LTBP1: variants seen among roughly 807,000 people sequenced by gnomAD.
LTBP1 encodes the protein latent-transforming growth factor beta-binding protein 1.
Under a neutral mutation model 207.6 loss-of-function variants are expected in LTBP1, and 129 were observed. That is an observed-to-expected ratio of 0.62 (90% CI 0.54 to 0.72). The LOEUF is 0.72. Among genes scored for constraint, LTBP1 ranks in the 30% least tolerant of loss-of-function variants. LTBP1 has a pLI of 0.00. For missense variants in LTBP1, 2,281 were observed against 2,217.2 expected (o/e 1.03, Z -0.58); for synonymous variants, 963 against 833.7 (o/e 1.16, Z -2.67).
chr2:33,179,444 G>A (rs1287400662), intron 5 of LTBP1, among the ~76,000 whole-genome samples: 1 of 149,672 alleles, frequency 6.7e-6, no homozygotes, highest in Non-Finnish European at 1.5e-5. Context: ...TCAAATAAAT[G>A]CATATATTCT....
chr2:33,330,071 T>G (rs2094476189), intron 24 of LTBP1, among the ~76,000 whole-genome samples: 1 of 152,104 alleles, frequency 6.6e-6, no homozygotes, highest in Non-Finnish European at 1.5e-5. Flanking sequence ...TGGAGATTTT[T>G]GTATAAAGTC....
chr2:33,168,320 C>G (rs913093851), intron 5 of LTBP1, among the ~76,000 whole-genome samples: 1 of 149,128 alleles, frequency 6.7e-6, no homozygotes, highest in Non-Finnish European at 1.5e-5. Context: ...GAGTTTGAGG[C>G]TGCAGTGAAC....
At chr2:33,143,259 G>A (rs987374871) in intron 5 of LTBP1, among the ~76,000 whole-genome samples, 3 of 152,130 alleles carry the variant, frequency 2.0e-5, no homozygotes, top group African/African-American at 7.2e-5. Flanking sequence ...TTGTTGACTT[G>A]CCTGTTTCTT....
chr2:33,369,142 A>ATG (rs2095036359), intron 31 of LTBP1, among the ~76,000 whole-genome samples: 1 of 152,182 alleles, frequency 6.6e-6, no homozygotes, highest in African/African-American at 2.4e-5. Context: ...CATATTATAT[A>ATG]ATATTTTTGG....
At chr2:33,011,599 C>T (rs1297156137) in intron 2 of LTBP1, among the ~76,000 whole-genome samples, 1 of 151,942 alleles carries the variant, frequency 6.6e-6, no homozygotes, top group Non-Finnish European at 1.5e-5. Flanking sequence ...ATGCATTGAC[C>T]TTGGACTTTT....
intron 2 of LTBP1, among the ~76,000 whole-genome samples, chr2:32,981,639 C>T (rs991744009): frequency 3.3e-5 from 5 of 152,164 alleles, no homozygotes; most frequent in African/African-American, 7.2e-5. Flanking sequence ...TTGGCCATGT[C>T]CCCACCCAAA....
At chr2:33,232,548 G>A (rs1258400432) in intron 9 of LTBP1, among the ~76,000 whole-genome samples, 1 of 152,088 alleles carries the variant, frequency 6.6e-6, no homozygotes, top group East Asian at 1.9e-4. Flanking sequence ...TCATTTTTCT[G>A]ATGGCAGTAT....
rs557594980 is a variant in LTBP1, at chr2:33,051,046, C to A, written c.863+29840C>A. On this transcript the variant is annotated intron_variant, in intron 3 of 33. Coordinates refer to ENST00000404816, the MANE Select transcript of LTBP1 (RefSeq NM_206943.4). The stretch of plus-strand genomic sequence containing the variant: ...CCTGAAACTCTTGAGGTTTCCTCAG[C>A]CAGAAAATGAGCATGGTAATTCTTC... 5.9e-5 allele frequency among the ~76,000 whole-genome samples: 9 copies of A among 152,216 alleles called. No homozygotes were observed. In the East Asian group the frequency reaches 1.7e-3, roughly 29 times the overall value.
Position 33,228,310 on chromosome 2 carries a change from ATATCAGTTAT to A in LTBP1, c.1876+6160_1876+6169del, listed in dbSNP as rs1411092087. 3.9e-5 allele frequency among the ~76,000 whole-genome samples: 6 copies of A among 152,344 alleles called. No individual in the cohort carries two copies. In the East Asian group the frequency reaches 1.2e-3, roughly 29 times the overall value. ...AGATGCTTTGTTTAATAAGCACTTT[ATATCAGTTAT>A]CTCCATTAGCCTTTAAGTTTTCTAT... On this transcript the variant is annotated intron_variant, in intron 9 of 33. Transcript: ENST00000404816.
In LTBP1 at chr2:33,110,763, C is replaced by G. The variant is rs186071914; in HGVS notation, c.1033+12C>G. 110 of 1,609,284 alleles carry G rather than the reference C, an allele frequency of 6.8e-5. No individual in the cohort carries two copies. The highest frequency in any genetic ancestry group is 7.9e-5 in the Non-Finnish European group (93 of 1,176,374). On this transcript the variant is annotated intron_variant, in intron 4 of 33. Coordinates refer to ENST00000404816, the MANE Select transcript of LTBP1 (RefSeq NM_206943.4). ...GGCACCTTTTCAGCGTGAGTATAGT[C>G]TTATCAACCATTTTCCCAAGTTATG...
intron 8 of LTBP1, 30 bp downstream of exon 8, chr2:33,217,684 G>A (rs1383414646): frequency 1.3e-6 from 2 of 1,499,432 alleles, no homozygotes; most frequent in Non-Finnish European, 1.9e-6. Flanking sequence ...TCCTTTGCAG[G>A]TTAATGTAGC....
chr2:32,960,217 A>T (rs1678868584), intron 2 of LTBP1, among the ~76,000 whole-genome samples: 1 of 150,478 alleles, frequency 6.6e-6, no homozygotes, highest in Non-Finnish European at 1.5e-5. Flanking sequence ...ACACAACTTC[A>T]TTCATGTTGT....
intron 12 of LTBP1, among the ~76,000 whole-genome samples, chr2:33,258,209 T>A (rs891188187): frequency 1.3e-5 from 2 of 152,250 alleles, no homozygotes; most frequent in Non-Finnish European, 2.9e-5. Flanking sequence ...TCTCTTGATA[T>A]AAACCCAGCA....
intron 3 of LTBP1, among the ~76,000 whole-genome samples, chr2:33,103,442 G>A (rs1199808396): frequency 6.6e-6 from 1 of 152,156 alleles, no homozygotes; most frequent in Non-Finnish European, 1.5e-5. Flanking sequence ...CACCATGTGT[G>A]TAGTCTGTAT....
At chr2:33,110,198 C>T (rs1193268547) in intron 3 of LTBP1, among the ~76,000 whole-genome samples, 2 of 152,216 alleles carry the variant, frequency 1.3e-5, no homozygotes, top group Non-Finnish European at 2.9e-5. Context: ...TCAAGCGATC[C>T]TCCCATCTCA....
chr2:33,022,920 A>G (rs552685111), intron 3 of LTBP1, among the ~76,000 whole-genome samples: 7 of 152,282 alleles, frequency 4.6e-5, no homozygotes, highest in Non-Finnish European at 8.8e-5. Context: ...CTCAACCATT[A>G]AAAAACATAA....
At chr2:32,962,644 A>C (rs1179108302) in intron 2 of LTBP1, among the ~76,000 whole-genome samples, 1 of 152,250 alleles carries the variant, frequency 6.6e-6, no homozygotes, top group Non-Finnish European at 1.5e-5. Context: ...ATATTACAAC[A>C]AATGTCCCTG....
chr2:33,321,220 T>C lies in LTBP1; in HGVS notation c.3730+5951T>C, dbSNP rs148220069. On this transcript the variant is annotated intron_variant, in intron 24 of 33. Coordinates refer to ENST00000404816, the MANE Select transcript of LTBP1 (RefSeq NM_206943.4). ...CTAGCCTGAACTCTGACTCCCACAG[T>C]ATACCCAAAGTATTCAGGAATCAAG... Among the ~76,000 whole-genome samples the C allele has an allele frequency of 2.1e-3, 319 of 152,310 alleles. 1 individual carries two copies. The highest frequency in any genetic ancestry group is 4.2e-3 in the African/African-American group (176 of 41,562).
intron 2 of LTBP1, among the ~76,000 whole-genome samples, chr2:32,996,228 G>T (rs942140859): frequency 6.6e-6 from 1 of 152,164 alleles, no homozygotes; most frequent in Non-Finnish European, 1.5e-5. Context: ...CAGGGTGCCA[G>T]CTGCTTCAGT....
Sources: allele counts gnomAD v4.1 joint callset (sites outside exome capture counted in the v4.1 genomes callset), GRCh38; gene constraint gnomAD v4.1.1; transcripts MANE v1.5; gene names NCBI Gene and HGNC (gene_info 2026-07-23, HGNC 2026-07-21).